TLR6: variants seen among roughly 807,000 people sequenced by gnomAD.
The protein encoded by TLR6 is toll like receptor 6, also known as toll-like receptor 6.
A neutral mutation model predicts 16.1 loss-of-function variants in TLR6; 9 were observed. The ratio of observed to expected loss-of-function variants is 0.56; its 90% CI spans 0.34 to 0.98. The LOEUF (loss-of-function observed/expected upper bound fraction) is 0.98. Ranked by LOEUF, TLR6 falls within the 50% of genes least tolerant of loss-of-function variation. TLR6 has a pLI of 0.02. For synonymous variants in TLR6, 340 were observed against 338.6 expected, an observed-to-expected ratio of 1.00 and a Z score of -0.04; for missense variants, 786 against 921.0, an observed-to-expected ratio of 0.85 and a Z score of 1.90.
exon 2 of TLR6, chr4:38,828,765 C>T: frequency 2.5e-6 from 4 of 1,613,552 alleles, no homozygotes; most frequent in Non-Finnish European, 3.4e-6. Context: ...TTAATGAAAA[C>T]TTGACAGTTG....
chr4:38,843,425 T>A (rs573960578), intron 1 of TLR6, among the ~76,000 whole-genome samples: 1 of 152,332 alleles, frequency 6.6e-6, no homozygotes, highest in Admixed American at 6.5e-5. Flanking sequence ...AGGACCCACT[T>A]TTCACCATCA....
rs1727591620 is a variant in TLR6, at chr4:38,827,309, T to C, written c.2165A>G (p.Asn722Ser). 3 of 1,613,994 alleles carry C rather than the reference T, an allele frequency of 1.9e-6. No homozygotes were observed. Among genetic ancestry groups the C allele is most frequent in the Admixed American group, 3.3e-5 (2 of 59,990 alleles). Reference sequence around the variant, plus strand: ...GTTATTAGATCCTTCATGAAAGAGATTGTGATGGGCAAAATAGAGTTCGTA... The same window carrying C: ...GTTATTAGATCCTTCATGAAAGAGACTGTGATGGGCAAAATAGAGTTCGTA... The change falls in exon 2 of 2, where the codon AAT becomes AGT. Residue 722 changes from asparagine (N) to serine (S), a missense_variant. Transcript: ENST00000436693.
In TLR6 at chr4:38,848,689, A is replaced by G. The variant is rs1408676242; in HGVS notation, c.-65+8072T>C. Among the ~76,000 whole-genome samples the G allele has an allele frequency of 2.6e-5, 4 of 152,368 alleles. No homozygotes were observed. In the East Asian group the frequency reaches 7.7e-4, roughly 29 times the overall value. ...GAAGAAAGAGTATCAGTGATTGATG[A>G]TCAAATGAATGAAATGAAGTGAGAA... On this transcript the variant is annotated intron_variant, in intron 1 of 1. Coordinates refer to ENST00000436693, the Ensembl canonical transcript of TLR6.
At chr4:38,846,403 AT>A (rs1479192564) in intron 1 of TLR6, among the ~76,000 whole-genome samples, 5 of 152,204 alleles carry the variant, frequency 3.3e-5, no homozygotes, top group Non-Finnish European at 5.9e-5. Context: ...ATTATAGACA[AT>A]TATTGAAAAG....
the TLR6 span, among the ~76,000 whole-genome samples, chr4:38,863,939 C>T: frequency 6.6e-6 from 1 of 152,192 alleles, no homozygotes. Context: ...TCAGCCTCCA[C>T]TACCTCTATG....
At chr4:38,851,768 T>C (rs533056774) in intron 1 of TLR6, among the ~76,000 whole-genome samples, 1 of 152,242 alleles carries the variant, frequency 6.6e-6, no homozygotes, top group South Asian at 2.1e-4. Flanking sequence ...TGCTCATGGA[T>C]AGGAAGAATC....
intron 1 of TLR6, among the ~76,000 whole-genome samples, chr4:38,831,250 G>A (rs1367250021): frequency 6.7e-6 from 1 of 150,020 alleles, no homozygotes; most frequent in Non-Finnish European, 1.5e-5. Context: ...AGAATGGATA[G>A]TCTTTTCAAC....
exon 2 of TLR6, chr4:38,828,357 A>G: frequency 6.2e-7 from 1 of 1,613,168 alleles, no homozygotes; most frequent in African/African-American, 1.3e-5. Flanking sequence ...AACGTGGAAC[A>G]TTTTTCAAAA....
rs767297600 is a variant in TLR6 at position 38,827,817 on chromosome 4, C to A, written c.1657G>T (p.Glu553Ter). The change falls in exon 2 of 2, where the codon GAG (glutamate) becomes TAG (stop). Residue 553 changes from glutamate (E) to a stop codon, truncating the protein, a stop_gained. Transcript: ENST00000436693. LOFTEE classifies it high-confidence loss of function. ...CACTTATAAGAATCAGGCCAGCCCTCTAACACTTCACTTGATACTTGGTCT... is the reference window on the plus strand; with the variant it reads ...CACTTATAAGAATCAGGCCAGCCCTATAACACTTCACTTGATACTTGGTCT... The A allele has an allele frequency of 6.2e-7, 1 of 1,614,134 alleles. No homozygotes were observed. The highest frequency in any genetic ancestry group is 1.3e-5 in the African/African-American group (1 of 74,956).
chr4:38,845,913 G>A (rs1267672992), intron 1 of TLR6, among the ~76,000 whole-genome samples: 2 of 152,006 alleles, frequency 1.3e-5, no homozygotes, highest in East Asian at 1.9e-4. Context: ...CCAACATGGT[G>A]AAACCCTGTC....
chr4:38,853,383 A>T (rs79345348), intron 1 of TLR6, among the ~76,000 whole-genome samples: 1 of 96,498 alleles, frequency 1.0e-5, no homozygotes, highest in Non-Finnish European at 2.8e-5. Flanking sequence ...GTATAATAAT[A>T]AAAAAAAAAG....
intron 1 of TLR6, among the ~76,000 whole-genome samples, chr4:38,851,734 A>G (rs1397293957): frequency 6.6e-6 from 1 of 152,214 alleles, no homozygotes; most frequent in Non-Finnish European, 1.5e-5. Context: ...AATGAAATAA[A>G]AGAGGACACA....
At chr4:38,829,431 C>T (rs1727725068) in exon 2 of TLR6, 2 of 1,613,616 alleles carry the variant, frequency 1.2e-6, no homozygotes. Flanking sequence ...ATAAGGCAAA[C>T]AAAATGGAAG....
intron 1 of TLR6, among the ~76,000 whole-genome samples, chr4:38,837,502 G>T (rs73146532): frequency 0.15 from 23,511 of 152,152 alleles, 3,624 homozygotes; most frequent in African/African-American, 0.38. Context: ...AATAAATGGT[G>T]CTGGCTTCAT....
At chr4:38,828,966 G>A (rs775355712) in exon 2 of TLR6, 1 of 1,613,524 alleles carries the variant, frequency 6.2e-7, no homozygotes, top group Non-Finnish European at 8.5e-7. Flanking sequence ...TAACTTAGAT[G>A]CAAGTGAGCA....
intron 1 of TLR6, among the ~76,000 whole-genome samples, chr4:38,842,305 G>A (rs943916767): frequency 7.2e-5 from 11 of 152,154 alleles, no homozygotes; most frequent in Non-Finnish European, 1.3e-4. Context: ...ATATCTTAAG[G>A]AGGAACTACC....
At chr4:38,836,465 T>C (rs757722617) in intron 1 of TLR6, among the ~76,000 whole-genome samples, 1 of 152,186 alleles carries the variant, frequency 6.6e-6, no homozygotes, top group Admixed American at 6.5e-5. Context: ...CAATAACAAG[T>C]AATAAGTTTG....
chr4:38,845,097 G>A (rs1251567425), intron 1 of TLR6, among the ~76,000 whole-genome samples: 1 of 152,198 alleles, frequency 6.6e-6, no homozygotes. Flanking sequence ...AGGGTGGCTT[G>A]TATGTGTTCC....
intron 1 of TLR6, among the ~76,000 whole-genome samples, chr4:38,840,429 C>T (rs1326965770): frequency 1.3e-5 from 2 of 151,688 alleles, no homozygotes; most frequent in South Asian, 2.1e-4. Flanking sequence ...GTCAGGAGTT[C>T]GAGACCTGCC....
Sources: gnomAD v4.1 joint callset for allele counts (sites outside exome capture counted in the v4.1 genomes callset) on GRCh38, gnomAD v4.1.1 for gene constraint, MANE v1.5 for transcripts, NCBI Gene and HGNC (gene_info 2026-07-23, HGNC 2026-07-21) for gene names.